The following TIAM1 variants were observed in gnomAD, a reference collection of about 807,000 sequenced individuals.
The protein encoded by TIAM1 is TIAM Rac1 associated GEF 1, also known as rho guanine nucleotide exchange factor TIAM1.
A neutral mutation model predicts 163.5 loss-of-function variants in TIAM1; 65 were observed. That is an observed-to-expected ratio of 0.40 (90% CI 0.33 to 0.49). TIAM1 has a LOEUF of 0.49. TIAM1 is among the 20% of genes least tolerant of loss of function. The pLI, the probability that TIAM1 is intolerant of heterozygous loss-of-function variation, is 0.77. For missense variants in TIAM1, 1,789 were observed against 2,044.7 expected (o/e 0.87, Z 2.41); for synonymous variants, 833 against 810.1 (o/e 1.03, Z -0.48).
At chr21:31,121,586 G>C (rs2082001826) in intron 27 of TIAM1, among the ~76,000 whole-genome samples, 1 of 152,140 alleles carries the variant, frequency 6.6e-6, no homozygotes, top group Non-Finnish European at 1.5e-5. Flanking sequence ...GTGTGCCTTA[G>C]TCTCCCCCAA....
Position 31,154,238 on chromosome 21 carries a change from G to A in TIAM1, c.3171+9C>T. ...AGAGGGAGGGCAGGGGGAGAAAAAA[G>A]AAACATACCTTCACGTAGGTGCGCT... On this transcript the variant is annotated intron_variant, in intron 17 of 27. Coordinates refer to ENST00000541036, the MANE Select transcript of TIAM1 (RefSeq NM_001353694.2). The A allele has an allele frequency of 6.2e-7, 1 of 1,611,922 alleles. No individual in the cohort carries two copies.
At chr21:31,180,986 T>C (rs2084986437) in intron 15 of TIAM1, among the ~76,000 whole-genome samples, 3 of 152,188 alleles carry the variant, frequency 2.0e-5, no homozygotes, top group South Asian at 4.1e-4. Flanking sequence ...AGAAAATGAT[T>C]TGAAAAACAA....
chr21:31,155,456 CTAA>C, intron 16 of TIAM1, among the ~76,000 whole-genome samples: 1 of 152,068 alleles, frequency 6.6e-6, no homozygotes, highest in South Asian at 2.1e-4. Context: ...ATTTAATTCA[CTAA>C]TATTTGTTCC....
chr21:31,484,473 G>C (rs76688168), intron 1 of TIAM1, among the ~76,000 whole-genome samples: 5,388 of 152,294 alleles, frequency 0.035, 317 homozygotes, highest in African/African-American at 0.12. Context: ...TGCCTCCGGG[G>C]CAGGGACATT....
At chr21:31,176,441 T>C (rs1601421926) in intron 15 of TIAM1, among the ~76,000 whole-genome samples, 1 of 148,972 alleles carries the variant, frequency 6.7e-6, no homozygotes, top group African/African-American at 2.5e-5. Context: ...CCAAAACAGA[T>C]GAAAGTAGCT....
chr21:31,498,557 T>A (rs2046742493), intron 1 of TIAM1, among the ~76,000 whole-genome samples: 1 of 152,218 alleles, frequency 6.6e-6, no homozygotes, highest in South Asian at 2.1e-4. Context: ...CACCTGTGCA[T>A]GTTTGTACCA....
At chr21:31,281,085 C>CAAAAAAAAAAA (rs748020575) in intron 2 of TIAM1, among the ~76,000 whole-genome samples, 1 of 63,732 alleles carries the variant, frequency 1.6e-5, no homozygotes, top group African/African-American at 5.9e-5. Context: ...GACCCTAACT[C>CAAAAAAAAAAA]AAAAAAAAAA....
At chr21:31,432,781 A>T (rs2044086794) in intron 2 of TIAM1, among the ~76,000 whole-genome samples, 2 of 152,192 alleles carry the variant, frequency 1.3e-5, no homozygotes, top group Non-Finnish European at 2.9e-5. Context: ...GGGAGACGGG[A>T]GCAGAAAATA....
intron 2 of TIAM1, among the ~76,000 whole-genome samples, chr21:31,375,799 C>T (rs1403643793): frequency 1.3e-5 from 2 of 152,060 alleles, no homozygotes; most frequent in Non-Finnish European, 2.9e-5. Flanking sequence ...GAGGCTGAGG[C>T]AGGAGGATCA....
At chr21:31,485,877 C>T (rs543632676) in intron 1 of TIAM1, among the ~76,000 whole-genome samples, 13 of 152,296 alleles carry the variant, frequency 8.5e-5, no homozygotes, top group African/African-American at 2.9e-4. Flanking sequence ...AACCCAGGCA[C>T]GAAGGGGGTG....
At chr21:31,198,346 G>A (rs2250735) in intron 12 of TIAM1, among the ~76,000 whole-genome samples, 26,263 of 152,124 alleles carry the variant, frequency 0.17, 3,332 homozygotes, top group East Asian at 0.4. Context: ...GGATAGGAAC[G>A]TGGACAGGAC....
At chr21:31,302,966 A>G (rs1318899155) in intron 2 of TIAM1, among the ~76,000 whole-genome samples, 1 of 152,198 alleles carries the variant, frequency 6.6e-6, no homozygotes, top group African/African-American at 2.4e-5. Flanking sequence ...TCAATTTCCT[A>G]ATCAGCTGCA....
At chr21:31,538,767 T>G (rs541314970) in intron 1 of TIAM1, among the ~76,000 whole-genome samples, 1 of 152,336 alleles carries the variant, frequency 6.6e-6, no homozygotes, top group East Asian at 1.9e-4. Flanking sequence ...AGCCTGAAAT[T>G]TTAGCTGCAA....
At chr21:31,424,037 A>C (rs1387975493) in intron 2 of TIAM1, among the ~76,000 whole-genome samples, 1 of 152,224 alleles carries the variant, frequency 6.6e-6, no homozygotes, top group African/African-American at 2.4e-5. Context: ...ATCTCAATAA[A>C]GCTGTTAAAG....
rs147349517 is a variant in TIAM1 at position 31,261,963 on chromosome 21, C to G, written c.963+4047G>C. Among the ~76,000 whole-genome samples the G allele has an allele frequency of 5.9e-5, 9 of 152,252 alleles. No individual in the cohort carries two copies. The East Asian group carries it at 1.7e-3, about 29-fold the overall frequency. On this transcript the variant is annotated intron_variant, in intron 4 of 27. Transcript: ENST00000541036. ...CTCCCAAGTGGATGAATGAAGCTCT[C>G]CTCACAAGCATGCACAACGGCTCCA...
At chr21:31,265,814 C>T (rs1003755715) in intron 4 of TIAM1, among the ~76,000 whole-genome samples, 196 bp downstream of exon 4, 2 of 152,132 alleles carry the variant, frequency 1.3e-5, no homozygotes, top group African/African-American at 4.8e-5. Context: ...TTAATCCCCA[C>T]CCCTTAACCA....
intron 1 of TIAM1, among the ~76,000 whole-genome samples, chr21:31,480,566 C>T (rs57451526): frequency 0.032 from 4,886 of 152,182 alleles, 261 homozygotes; most frequent in African/African-American, 0.11. Context: ...ACCACATTGC[C>T]GCATGCCAGA....
At chr21:31,326,745 T>C (rs965099784) in intron 2 of TIAM1, among the ~76,000 whole-genome samples, 2 of 152,174 alleles carry the variant, frequency 1.3e-5, no homozygotes, top group Admixed American at 1.3e-4. Context: ...TTTCTTGCAG[T>C]GGTGATTAAA....
Position 31,267,147 on chromosome 21 carries a change from G to C in TIAM1, c.-11-164C>G, listed in dbSNP as rs149066783. Among the ~76,000 whole-genome samples, 6 of 152,204 alleles carry C rather than the reference G, an allele frequency of 3.9e-5. No homozygotes were observed. The East Asian group carries it at 1.2e-3, about 30-fold the overall frequency. ...TCCTATATGCACCTGGTAGGTTCTC[G>C]GACTCTTACCTGGGAGCAGGTGAAC... On this transcript the variant is annotated intron_variant, in intron 3 of 27. Transcript: ENST00000541036.
Sources: allele counts gnomAD v4.1 joint callset (sites outside exome capture counted in the v4.1 genomes callset), GRCh38; gene constraint gnomAD v4.1.1; transcripts MANE v1.5; gene names NCBI Gene and HGNC (gene_info 2026-07-23, HGNC 2026-07-21).